ARMC3: variants seen among roughly 807,000 people sequenced by gnomAD.
ARMC3 encodes the protein armadillo repeat-containing protein 3.
ARMC3 carries 74 observed loss-of-function variants against 90.3 expected under a neutral mutation model. The ratio of observed to expected loss-of-function variants is 0.82; its 90% confidence interval spans 0.68 to 0.99. ARMC3 has a LOEUF of 0.99. ARMC3 is among the 50% of genes least tolerant of loss of function. The pLI is 0.00. For synonymous variants in ARMC3, 334 were observed against 361.8 expected (o/e 0.92, Z 0.87); for missense variants, 958 against 1,042.8 (o/e 0.92, Z 1.12).
intron 10 of ARMC3, among the ~76,000 whole-genome samples, chr10:22,988,246 A>G (rs1836546693): frequency 2.6e-5 from 4 of 152,230 alleles, no homozygotes; most frequent in African/African-American, 9.6e-5. Context: ...TTGTAGAGAA[A>G]ACTTTAGAAC....
intron 7 of ARMC3, among the ~76,000 whole-genome samples, chr10:22,966,232 G>T (rs1835432429): frequency 6.6e-6 from 1 of 152,178 alleles, no homozygotes; most frequent in African/African-American, 2.4e-5. Context: ...TCTGCAGTTT[G>T]CTGGTCACCT....
At position 23,008,909 on chromosome 10, in the gene ARMC3, G is replaced by T. The variant is rs150029689; in HGVS notation, c.2023G>T (p.Ala675Ser). 3 of 1,613,346 alleles carry T rather than the reference G, an allele frequency of 1.9e-6. No homozygotes were observed. The highest frequency in any genetic ancestry group is 2.5e-6 in the Non-Finnish European group (3 of 1,179,598). Residue 675 changes from alanine to serine, a missense_variant, in exon 16 of 19, where the codon GCC becomes TCC. Physicochemically the swap from Ala to Ser is moderately conservative, Grantham distance 99. Transcript: ENST00000298032. The stretch of plus-strand genomic sequence containing the variant: ...ACGAAATACTGTTCTCAGCAAAAGC[G>T]CCACCAAAGAAAAAGGATGGAGGTA... The part of the protein sequence containing the change: ...SGRNTVLSKS[A>S]TKEKGWRKSK...
chr10:22,964,294 T>A (rs1031492310), intron 7 of ARMC3, among the ~76,000 whole-genome samples: 4 of 152,226 alleles, frequency 2.6e-5, no homozygotes, highest in Non-Finnish European at 4.4e-5. Context: ...GAACACATAT[T>A]AATATGTCAG....
At chr10:23,014,126 T>G in intron 16 of ARMC3, 1 of 1,549,624 alleles carries the variant, frequency 6.5e-7, no homozygotes. Context: ...AGATAAACCC[T>G]GAAGCACTCC....
At chr10:22,986,657 CAA>C (rs1836465942) in intron 10 of ARMC3, among the ~76,000 whole-genome samples, 1 of 149,758 alleles carries the variant, frequency 6.7e-6, no homozygotes, top group African/African-American at 2.5e-5. Flanking sequence ...ATTTGACAAA[CAA>C]AGTCTGTTGT....
intron 10 of ARMC3, among the ~76,000 whole-genome samples, chr10:22,985,512 A>G (rs1395348025): frequency 6.6e-6 from 1 of 152,140 alleles, no homozygotes; most frequent in African/African-American, 2.4e-5. Flanking sequence ...CTTTCTGTCC[A>G]TGAAAAGCTT....
chr10:22,928,308 A>G (rs374249900), intron 1 of ARMC3, among the ~76,000 whole-genome samples: 1 of 152,172 alleles, frequency 6.6e-6, no homozygotes, highest in African/African-American at 2.4e-5. Context: ...CTCCCATTCA[A>G]CAGGTGACAA....
At chr10:22,998,836 G>A (rs1161749783) in intron 11 of ARMC3, among the ~76,000 whole-genome samples, 1 of 152,168 alleles carries the variant, frequency 6.6e-6, no homozygotes, top group African/African-American at 2.4e-5. Context: ...GCAAAAACAC[G>A]TTGTAGAAAA....
intron 2 of ARMC3, among the ~76,000 whole-genome samples, chr10:22,936,436 C>T (rs1031683204): frequency 1.1e-4 from 17 of 152,264 alleles, no homozygotes; most frequent in Admixed American, 4.6e-4. Flanking sequence ...TGTTGGAAAA[C>T]GCTATTCTAG....
intron 10 of ARMC3, among the ~76,000 whole-genome samples, chr10:22,991,454 T>C (rs936340942): frequency 1.2e-4 from 18 of 152,232 alleles, no homozygotes; most frequent in African/African-American, 4.1e-4. Flanking sequence ...TTTTTCTTTT[T>C]TGTTTTGTTT....
chr10:22,992,843 A>G (rs537480241), intron 10 of ARMC3, among the ~76,000 whole-genome samples: 2 of 152,222 alleles, frequency 1.3e-5, no homozygotes, highest in Admixed American at 6.5e-5. Context: ...AGACCTGTTT[A>G]TCATAACGGC....
intron 10 of ARMC3, among the ~76,000 whole-genome samples, chr10:22,993,896 T>C (rs1417056602): frequency 6.6e-6 from 1 of 152,194 alleles, no homozygotes; most frequent in Non-Finnish European, 1.5e-5. Context: ...CTATTTGTGT[T>C]TGAATTTTTC....
At chr10:22,965,799 G>A (rs1374708290) in intron 7 of ARMC3, among the ~76,000 whole-genome samples, 2 of 152,076 alleles carry the variant, frequency 1.3e-5, no homozygotes, top group African/African-American at 4.8e-5. Flanking sequence ...GGTCCACCTA[G>A]TAAATTTTTC....
At chr10:22,952,164 A>G (rs1010223553) in intron 3 of ARMC3, among the ~76,000 whole-genome samples, 1 of 152,064 alleles carries the variant, frequency 6.6e-6, no homozygotes, top group Non-Finnish European at 1.5e-5. Flanking sequence ...AATTAAACCA[A>G]AAGTTAGTAA....
chr10:22,963,922 CAAAAAAAAAAAA>C (rs35508443), intron 7 of ARMC3, among the ~76,000 whole-genome samples: 1,601 of 58,302 alleles, frequency 0.027, 24 homozygotes, highest in African/African-American at 0.039. Context: ...CACACACACA[CAAAAAAAAAAAA>C]AAAAAAAAAA....
rs1257253674 is a variant in ARMC3 at position 22,946,136 on chromosome 10, C to A, written c.49-8C>A. On this transcript the variant is annotated splice_polypyrimidine_tract_variant and splice_region_variant and intron_variant, in intron 2 of 18. Transcript: ENST00000298032. ...TGTGAAACTGATAGTTTTCTTTCTG[C>A]CTTTCAGTTTGACCCATTAATGATT... is the stretch of plus-strand genomic sequence containing the variant. The A allele has an allele frequency of 4.5e-6, 7 of 1,561,494 alleles. No homozygotes were observed. Among genetic ancestry groups the A allele is most frequent in the Non-Finnish European group, 6.1e-6 (7 of 1,140,796 alleles).
At chr10:22,942,716 A>T (rs768597140) in intron 2 of ARMC3, among the ~76,000 whole-genome samples, 2 of 152,166 alleles carry the variant, frequency 1.3e-5, no homozygotes, top group Non-Finnish European at 2.9e-5. Flanking sequence ...CTACCCCATG[A>T]CTCATCAATG....
rs142070683 is a variant in ARMC3, at chr10:22,983,922, G to A, written c.1175+2222G>A. On this transcript the variant is annotated intron_variant, in intron 10 of 18. Coordinates refer to ENST00000298032, the MANE Select transcript of ARMC3 (RefSeq NM_173081.5). ...AAATTGTTAGCTTAAACTCAGCATT[G>A]GTGAGTATTTCTGGCATCACTTTTA... 3.0e-3 allele frequency among the ~76,000 whole-genome samples: 461 copies of A among 152,220 alleles called. 2 individuals are homozygous for A. The highest frequency in any genetic ancestry group is 9.8e-3 in the African/African-American group (407 of 41,534).
rs1034954250 is a variant in ARMC3, at chr10:23,033,295, C to T, written c.2409+272C>T. 3.3e-5 allele frequency among the ~76,000 whole-genome samples: 5 copies of T among 151,908 alleles called. No homozygotes were observed. In the East Asian group the frequency reaches 5.8e-4, roughly 18 times the overall value. On this transcript the variant is annotated intron_variant, in intron 18 of 18. Transcript: ENST00000298032. ...AATAGTGACCATACACCTACTATGGCGAGGGCCTCTGCTAGGGCCTGAGAG... is the reference window on the plus strand; with the variant it reads ...AATAGTGACCATACACCTACTATGGTGAGGGCCTCTGCTAGGGCCTGAGAG...
Sources: allele counts gnomAD v4.1 joint callset (sites outside exome capture counted in the v4.1 genomes callset), GRCh38; gene constraint gnomAD v4.1.1; transcripts MANE v1.5; gene names NCBI Gene and HGNC (gene_info 2026-07-23, HGNC 2026-07-21).